Variants in KRT6B observed in about 807,000 individuals in gnomAD.
The protein encoded by KRT6B is keratin, type II cytoskeletal 6B.
Under a neutral mutation model 44.7 loss-of-function variants are expected in KRT6B, and 29 were observed. The ratio of observed to expected loss-of-function variants is 0.65; its 90% CI spans 0.48 to 0.88. KRT6B has a LOEUF of 0.88. Ranked by LOEUF, KRT6B falls within the 40% of genes least tolerant of loss-of-function variation. KRT6B has a pLI of 0.00. For missense variants in KRT6B, 600 were observed against 724.0 expected, an observed-to-expected ratio of 0.83 and a Z score of 1.97; for synonymous variants, 213 against 296.0, an observed-to-expected ratio of 0.72 and a Z score of 2.88.
chr12:52,449,880 T>A, intron 3 of KRT6B, 27 bp from the exon 4 acceptor site: 1 of 1,611,618 alleles, frequency 6.2e-7, no homozygotes, highest in Non-Finnish European at 8.5e-7. Context: ...CAACCTGGAG[T>A]TGCCTGAGCT....
intron 6 of KRT6B, among the ~76,000 whole-genome samples, chr12:52,448,508 A>T (rs1940348137): frequency 6.6e-6 from 1 of 152,126 alleles, no homozygotes; most frequent in Non-Finnish European, 1.5e-5. Context: ...CAGCAATGTT[A>T]CTGATGCTTT....
chr12:52,450,020 G>A lies in KRT6B; in HGVS notation c.808C>T (p.Leu270=), dbSNP rs762976356. 11 of 1,613,834 alleles carry A rather than the reference G, an allele frequency of 6.8e-6. No homozygotes were observed. The highest frequency in any genetic ancestry group is 8.5e-6 in the Non-Finnish European group (10 of 1,179,870). Residue 270 remains leucine (L), a synonymous_variant, in exon 3 of 9, where the codon CTG becomes TTG. Coordinates refer to ENST00000252252, the MANE Select transcript of KRT6B (RefSeq NM_005555.4). The part of the protein sequence containing the change: ...RTAAENEFVT[L]KKDVDAAYMN... ...TGGCTTCATCTGCTCACCTTCTTCA[G>A]AGTCACAAATTCATTCTCTGCTGCT...
At position 52,447,378 on chromosome 12, in the gene KRT6B, C is replaced by T. The variant is rs1383531401; in HGVS notation, c.1507G>A (p.Val503Ile). 10 of 1,613,806 alleles carry T rather than the reference C, an allele frequency of 6.2e-6. No homozygotes were observed. Among genetic ancestry groups the T allele is most frequent in the Non-Finnish European group, 8.5e-6 (10 of 1,179,794 alleles). Residue 503 changes from valine to isoleucine, a missense_variant, in exon 9 of 9, where the codon GTC becomes ATC. Coordinates refer to ENST00000252252, the MANE Select transcript of KRT6B (RefSeq NM_005555.4). Reference sequence around the variant, plus strand: ...CCACCCAGGCCTAAGCCACTGCCGACACCGCTGGCACCGCCATAGCCACTG... The same window carrying T: ...CCACCCAGGCCTAAGCCACTGCCGATACCGCTGGCACCGCCATAGCCACTG... ...VSSGYGGASG[V>I]GSGLGLGGGS... is the part of the protein sequence containing the mutation.
Position 52,447,245 on chromosome 12 carries a change from G to C in KRT6B, c.1640C>G (p.Ser547Cys), listed in dbSNP as rs141409814. The C allele has an allele frequency of 3.7e-5, 59 of 1,613,872 alleles. No individual in the cohort carries two copies. Among genetic ancestry groups the C allele is most frequent in the Admixed American group, 6.7e-5 (4 of 59,994 alleles). ...GGAGGTGGTGGTGTACTTGATGGTG[G>C]AACTGCCGCCTCCAACAGAGCTGAG... ...GGLSSVGGGS[S>C]TIKYTTTSSS... Residue 547 changes from serine (S) to cysteine (C), a missense_variant, in exon 9 of 9, where the codon TCC becomes TGC. By Grantham distance (112) the Ser-to-Cys change is moderately radical (BLOSUM62 -1). Transcript: ENST00000252252.
rs1006668918 is a variant in KRT6B at position 52,449,455 on chromosome 12, C to T, written c.1077+14G>A. The T allele has an allele frequency of 1.2e-5, 19 of 1,614,080 alleles. No individual in the cohort carries two copies. The Admixed American group carries it at 2.7e-4, about 23-fold the overall frequency. On this transcript the variant is annotated intron_variant, in intron 5 of 8. Coordinates refer to ENST00000252252, the MANE Select transcript of KRT6B (RefSeq NM_005555.4). ...ACACAAGGATTCCTCAGCGGCTGTC[C>T]ACTCCGTGCTCACCTTTGTCTGGTA... is the stretch of plus-strand genomic sequence containing the variant.
intron 2 of KRT6B, 86 bp from the exon 3 acceptor site, chr12:52,450,158 T>C (rs1940375048): frequency 5.0e-6 from 8 of 1,610,242 alleles, no homozygotes; most frequent in Non-Finnish European, 6.8e-6. Flanking sequence ...TTTTCCTGAA[T>C]GGAATATATT....
intron 1 of KRT6B, among the ~76,000 whole-genome samples, chr12:52,450,924 A>G (rs1268286866): frequency 6.6e-6 from 1 of 152,226 alleles, no homozygotes; most frequent in South Asian, 2.1e-4. Flanking sequence ...TAAAAATACT[A>G]ATTACCTGAT....
Position 52,450,396 on chromosome 12 carries a change from G to C in KRT6B, c.755+10C>G, listed in dbSNP as rs1223154271. 6.2e-7 allele frequency: 1 copy of C among 1,608,602 alleles called. No homozygotes were observed. On this transcript the variant is annotated intron_variant, in intron 2 of 8. Transcript: ENST00000252252. Reference sequence around the variant, plus strand: ...CTTGAAGTGTGTGCTGCAGGAAATGGAGTCCTCACTTGTTCTTGAGGTCCT... The same window carrying C: ...CTTGAAGTGTGTGCTGCAGGAAATGCAGTCCTCACTTGTTCTTGAGGTCCT...
chr12:52,450,802 A>C (rs1940391670), intron 1 of KRT6B, among the ~76,000 whole-genome samples, 182 bp from the exon 2 acceptor site: 1 of 152,256 alleles, frequency 6.6e-6, no homozygotes, highest in East Asian at 1.9e-4. Flanking sequence ...CAGTCTCACT[A>C]GAGAAATTGT....
At position 52,450,694 on chromosome 12, in the gene KRT6B, A is replaced by G. The variant is rs1940389881; in HGVS notation, c.541-74T>C. ...AAGTGTCTGGTATCCAGTTTCCTGG[A>G]GGTCTGGGAGGTCCCCATGGTGCTG... is the stretch of plus-strand genomic sequence containing the variant. On this transcript the variant is annotated intron_variant, in intron 1 of 8. Transcript: ENST00000252252. 2.3e-5 allele frequency: 34 copies of G among 1,482,994 alleles called. No individual in the cohort carries two copies. In the Admixed American group the frequency reaches 2.8e-4, roughly 12 times the overall value. 91.9% of individuals were successfully genotyped at this position (1,482,994 alleles called of 1,614,324 possible). A position where few individuals can be genotyped will look rare whatever the true frequency, so the allele number is the denominator to read the frequency against.
Position 52,446,841 on chromosome 12 carries a change from C to CCGT in KRT6B, c.*348_*349insACG. The CCGT allele has an allele frequency of 2.8e-6, 1 of 354,578 alleles. No individual in the cohort carries two copies. The allele number at this position is 354,578 out of a possible 1,614,324, so 22.0% of individuals were successfully genotyped here. A position where few individuals can be genotyped will look rare whatever the true frequency, so the allele number is the denominator to read the frequency against. On this transcript the variant is annotated 3_prime_UTR_variant, in exon 9 of 9. Transcript: ENST00000252252. ...TAGCTATAATGGGCAGGATGGTTAG[C>CCGT]AATTAAAGAGAGGACTCCTCATCTG...
Position 52,450,633 on chromosome 12 carries a change from C to A in KRT6B, c.541-13G>T, listed in dbSNP as rs573286386. ...CTAGGAACCGCACCTGGAGGGGAAG[C>A]AAAATGGTCATTTTCCAGGAAAAGG... is the stretch of plus-strand genomic sequence containing the variant. On this transcript the variant is annotated splice_polypyrimidine_tract_variant and intron_variant, in intron 1 of 8. Coordinates refer to ENST00000252252, the MANE Select transcript of KRT6B (RefSeq NM_005555.4). 12 of 1,614,084 alleles carry A rather than the reference C, an allele frequency of 7.4e-6. No individual in the cohort carries two copies. The highest frequency in any genetic ancestry group is 4.5e-5 in the East Asian group (2 of 44,896).
intron 6 of KRT6B, 107 bp from the exon 7 acceptor site, chr12:52,448,105 T>C (rs1407015881): frequency 5.0e-6 from 7 of 1,406,368 alleles, no homozygotes; most frequent in Non-Finnish European, 7.0e-6. Context: ...CCAGAACTGA[T>C]GGTAAATGAG....
At chr12:52,451,489 C>T in intron 1 of KRT6B, 50 bp downstream of exon 1, 1 of 1,613,380 alleles carries the variant, frequency 6.2e-7, no homozygotes, top group Middle Eastern at 1.8e-4. Context: ...TGTTGCTCTT[C>T]TGGTCTGGGG....
At chr12:52,449,392 C>T in intron 5 of KRT6B, 77 bp downstream of exon 5, 2 of 1,603,686 alleles carry the variant, frequency 1.2e-6, no homozygotes, top group Non-Finnish European at 1.7e-6. Context: ...AGGGGATGTC[C>T]CCAGTGAAGT....
Position 52,447,154 on chromosome 12 carries a change from C to T in KRT6B, c.*36G>A. The T allele has an allele frequency of 6.2e-7, 1 of 1,612,452 alleles. No homozygotes were observed. Among genetic ancestry groups the T allele is most frequent in the Non-Finnish European group, 8.5e-7 (1 of 1,179,330 alleles). On this transcript the variant is annotated 3_prime_UTR_variant, in exon 9 of 9. Transcript: ENST00000252252. ...GAGGGCTCTGCTGCCAGAGAGGGGC[C>T]TGAGAGCTGTGGGACTGAGAGCTGG...
chr12:52,448,941 G>A lies in KRT6B; in HGVS notation c.1104C>T (p.Gly368=). 1 of 1,613,428 alleles carries A rather than the reference G, an allele frequency of 6.2e-7. No individual in the cohort carries two copies. Among genetic ancestry groups the A allele is most frequent in the Middle Eastern group, 1.6e-4 (1 of 6,062 alleles). ...TKYEELQITA[G]RHGDDLRNTK... is the part of the protein sequence containing the mutation. ...TGTTGCGCAGGTCGTCCCCATGTCTGCCTGCTGTGATCTGCAGCTCCTCGT... is the reference window on the plus strand; with the variant it reads ...TGTTGCGCAGGTCGTCCCCATGTCTACCTGCTGTGATCTGCAGCTCCTCGT... The change falls in exon 6 of 9, where the codon GGC becomes GGT. Residue 368 remains glycine (G), a synonymous_variant. Coordinates refer to ENST00000252252, the MANE Select transcript of KRT6B (RefSeq NM_005555.4).
intron 1 of KRT6B, among the ~76,000 whole-genome samples, chr12:52,450,947 GT>G (rs71092765): frequency 2.6e-5 from 4 of 152,208 alleles, no homozygotes; most frequent in South Asian, 2.1e-4. Flanking sequence ...ATTGTACACA[GT>G]TTTTTTTACC....
chr12:52,451,435 G>T, intron 1 of KRT6B, 104 bp downstream of exon 1: 1 of 1,607,458 alleles, frequency 6.2e-7, no homozygotes, highest in Non-Finnish European at 8.5e-7. Flanking sequence ...GAGCTGGGCT[G>T]AGTCCCCTTC....
Sources: allele counts gnomAD v4.1 joint callset (sites outside exome capture counted in the v4.1 genomes callset), GRCh38; gene constraint gnomAD v4.1.1; transcripts MANE v1.5; gene names NCBI Gene and HGNC (gene_info 2026-07-23, HGNC 2026-07-21).